The following SLC38A6 variants were observed in gnomAD, a reference collection of about 807,000 sequenced individuals.
SLC38A6 encodes the protein N system amino acid transporter NAT-1.
A neutral mutation model predicts 65.0 loss-of-function variants in SLC38A6; 73 were observed. That is an observed-to-expected ratio of 1.12 (90% CI 0.93 to 1.37). The LOEUF is 1.37. Ranked by LOEUF, SLC38A6 falls within the 40% of genes most tolerant of loss-of-function variation. SLC38A6 has a pLI of 0.00. For missense variants in SLC38A6, 561 were observed against 531.1 expected (o/e 1.06, Z -0.55); for synonymous variants, 183 against 178.8 (o/e 1.02, Z -0.19).
At chr14:61,013,339 A>G (rs1034875713) in intron 3 of SLC38A6, among the ~76,000 whole-genome samples, 12 of 152,080 alleles carry the variant, frequency 7.9e-5, no homozygotes, top group Non-Finnish European at 1.2e-4. Flanking sequence ...TCTTTATCCA[A>G]TTTGCCAGTC....
At chr14:61,043,235 CAGTTTCTTCCTTTTT>C (rs1295072276) in intron 9 of SLC38A6, 23 bp downstream of exon 9, 1 of 1,371,478 alleles carries the variant, frequency 7.3e-7, no homozygotes, top group Admixed American at 2.3e-5. Flanking sequence ...ATTTTCTTTT[CAGTTTCTTCCTTTTT>C]ATTTTAACTA....
intron 3 of SLC38A6, among the ~76,000 whole-genome samples, chr14:60,989,266 T>C (rs2037682509): frequency 6.6e-6 from 1 of 152,212 alleles, no homozygotes; most frequent in Admixed American, 6.5e-5. Flanking sequence ...CTTGCCTACA[T>C]CACTCCAGCC....
intron 3 of SLC38A6, among the ~76,000 whole-genome samples, chr14:61,013,965 A>G (rs1250186781): frequency 6.6e-6 from 1 of 152,240 alleles, no homozygotes; most frequent in Non-Finnish European, 1.5e-5. Flanking sequence ...CCTGGATAAT[A>G]TGCTGCAGAG....
intron 3 of SLC38A6, among the ~76,000 whole-genome samples, chr14:60,991,411 G>A (rs79890544): frequency 0.012 from 1,772 of 152,098 alleles, 17 homozygotes; most frequent in Middle Eastern, 0.048. Flanking sequence ...TATGAGGTAC[G>A]TATCAATATT....
At chr14:61,002,405 A>G (rs1595018522) in intron 3 of SLC38A6, among the ~76,000 whole-genome samples, 2 of 152,242 alleles carry the variant, frequency 1.3e-5, no homozygotes, top group East Asian at 3.8e-4. Flanking sequence ...TAATAAGGGT[A>G]CATTCCCAAT....
rs572935820 is a variant in SLC38A6 at position 61,003,689 on chromosome 14, T to A, written c.311-12215T>A. 9.9e-5 allele frequency among the ~76,000 whole-genome samples: 15 copies of A among 152,276 alleles called. No homozygotes were observed. The South Asian group carries it at 3.1e-3, about 32-fold the overall frequency. On this transcript the variant is annotated intron_variant, in intron 3 of 15. Coordinates refer to ENST00000267488, the MANE Select transcript of SLC38A6 (RefSeq NM_153811.3). ...CTGCAGATTTTTTGTTGTTAAAAAG[T>A]GAGTATGTGGAGATCAAACATTTGG...
chr14:61,076,143 C>T (rs2043408820), intron 15 of SLC38A6, among the ~76,000 whole-genome samples: 1 of 152,164 alleles, frequency 6.6e-6, no homozygotes, highest in African/African-American at 2.4e-5. Flanking sequence ...GCATGAGCCA[C>T]CACACCCGGC....
chr14:60,997,726 G>A (rs2038395390), intron 3 of SLC38A6, among the ~76,000 whole-genome samples: 1 of 152,178 alleles, frequency 6.6e-6, no homozygotes, highest in Non-Finnish European at 1.5e-5. Context: ...GTGCAGCAGA[G>A]TTCCAGTTGA....
Position 61,018,966 on chromosome 14 carries a change from A to G in SLC38A6, c.364-575A>G, listed in dbSNP as rs192781018. 3.2e-4 allele frequency among the ~76,000 whole-genome samples: 48 copies of G among 152,024 alleles called. No individual in the cohort carries two copies. In the East Asian group the frequency reaches 8.7e-3, roughly 28 times the overall value. On this transcript the variant is annotated intron_variant, in intron 4 of 15. Transcript: ENST00000267488. ...CTCCAATATCCTACAGTTCTTGCCA[A>G]CTCCCATTGTCTTATATTCAGCTTA...
At chr14:61,013,949 A>C (rs1035755276) in intron 3 of SLC38A6, among the ~76,000 whole-genome samples, 4 of 152,196 alleles carry the variant, frequency 2.6e-5, no homozygotes, top group Non-Finnish European at 5.9e-5. Context: ...AGGCTGGGGA[A>C]GTTCTCCTGG....
intron 6 of SLC38A6, chr14:61,034,282 A>G (rs1438259375): frequency 6.6e-6 from 1 of 152,164 alleles, no homozygotes; most frequent in Non-Finnish European, 1.5e-5. Flanking sequence ...TGGGGATTAA[A>G]TGCTCCCTTT....
chr14:60,982,485 C>T lies in SLC38A6; in HGVS notation c.106-23C>T, dbSNP rs960835200. On this transcript the variant is annotated intron_variant, in intron 1 of 15. Coordinates refer to ENST00000267488, the MANE Select transcript of SLC38A6 (RefSeq NM_153811.3). ...AACTTCACCGTCCAAACATTTAACA[C>T]TACTAAATTTGTGTGCTTACAGGAA... is the stretch of plus-strand genomic sequence containing the variant. The T allele has an allele frequency of 6.2e-6, 10 of 1,600,102 alleles. No homozygotes were observed. The Admixed American group carries it at 1.6e-4, about 25-fold the overall frequency.
chr14:61,077,716 A>G (rs1207536294), intron 15 of SLC38A6, among the ~76,000 whole-genome samples: 1 of 152,082 alleles, frequency 6.6e-6, no homozygotes, highest in Non-Finnish European at 1.5e-5. Flanking sequence ...GAGACTACAT[A>G]AATAGACTTG....
intron 4 of SLC38A6, among the ~76,000 whole-genome samples, chr14:61,016,644 G>A (rs914048948): frequency 1.3e-5 from 2 of 152,108 alleles, no homozygotes; most frequent in African/African-American, 2.4e-5. Context: ...GGAGTTGAAC[G>A]TTACTGTTAG....
At chr14:60,987,394 G>A (rs2037528776) in intron 3 of SLC38A6, 1 of 152,778 alleles carries the variant, frequency 6.5e-6, no homozygotes, top group Non-Finnish European at 1.5e-5. Flanking sequence ...TAAAAGTAAA[G>A]GATTTCTTCA....
At chr14:61,006,840 T>C (rs1359052460) in intron 3 of SLC38A6, among the ~76,000 whole-genome samples, 8 of 152,226 alleles carry the variant, frequency 5.3e-5, no homozygotes, top group South Asian at 2.1e-4. Context: ...CCCAAAGGAC[T>C]ATAAATCATG....
At chr14:61,013,083 A>G (rs1438980178) in intron 3 of SLC38A6, among the ~76,000 whole-genome samples, 4 of 152,148 alleles carry the variant, frequency 2.6e-5, no homozygotes, top group African/African-American at 4.8e-5. Context: ...TTGGGTGCAT[A>G]TATATTTAGG....
intron 16 of SLC38A6, among the ~76,000 whole-genome samples, chr14:61,081,881 C>T (rs2043665755): frequency 6.6e-6 from 1 of 152,052 alleles, no homozygotes; most frequent in East Asian, 1.9e-4. Flanking sequence ...ATCCTGATTC[C>T]AAGCTTAGGT....
intron 15 of SLC38A6, among the ~76,000 whole-genome samples, chr14:61,069,974 G>A (rs1324393020): frequency 6.6e-6 from 1 of 152,004 alleles, no homozygotes; most frequent in Non-Finnish European, 1.5e-5. Context: ...CGCAAATGTT[G>A]GCATACAACA....
Sources: gnomAD v4.1 joint callset for allele counts (sites outside exome capture counted in the v4.1 genomes callset) on GRCh38, gnomAD v4.1.1 for gene constraint, MANE v1.5 for transcripts, NCBI Gene and HGNC (gene_info 2026-07-23, HGNC 2026-07-21) for gene names.